Variants in DIP2A observed in about 807,000 individuals in gnomAD.
DIP2A encodes disco-interacting protein 2 homolog A.
A neutral mutation model predicts 177.4 loss-of-function variants in DIP2A; 85 were observed. The ratio of observed to expected loss-of-function variants is 0.48; its 90% CI spans 0.40 to 0.57. The LOEUF (loss-of-function observed/expected upper bound fraction) is 0.57. Among genes scored for constraint, DIP2A ranks in the 20% least tolerant of loss-of-function variants. The probability of loss-of-function intolerance (pLI) is 0.00; values close to 1 mark genes in which losing one functional copy is unlikely to be tolerated. For missense variants in DIP2A, 1,791 were observed against 2,100.2 expected (o/e 0.85, Z 2.88); for synonymous variants, 886 against 881.8 (o/e 1.00, Z -0.08).
intron 3 of DIP2A, among the ~76,000 whole-genome samples, chr21:46,492,738 G>A (rs1402231946): frequency 1.3e-5 from 2 of 152,064 alleles, no homozygotes; most frequent in African/African-American, 2.4e-5. Context: ...TGAAGCAGGC[G>A]GAGACCAGCC....
chr21:46,497,526 T>C (rs966972494), intron 4 of DIP2A, among the ~76,000 whole-genome samples: 2 of 152,216 alleles, frequency 1.3e-5, no homozygotes, highest in African/African-American at 4.8e-5. Flanking sequence ...AGTATAAGAC[T>C]ATTTGGAAAG....
intron 5 of DIP2A, among the ~76,000 whole-genome samples, chr21:46,503,649 CTTTTT>C (rs2057808281): frequency 9.9e-6 from 1 of 101,338 alleles, no homozygotes; most frequent in African/African-American, 4.0e-5. Flanking sequence ...TTCTTTCTTT[CTTTTT>C]CTTTCTTTCT....
Position 46,557,490 on chromosome 21 carries a change from G to A in DIP2A, c.3630-95G>A. On this transcript the variant is annotated intron_variant, in intron 30 of 37. Transcript: ENST00000417564. The surrounding 1 kb of genome is among the most constrained non-coding windows in gnomAD (Gnocchi z 6.0). ...TCAGAACAGAAATCATGCCCCTGTT[G>A]TGGCTGGAAAAGAAGTGTTCTTGAG... 1.4e-6 allele frequency: 2 copies of A among 1,408,246 alleles called. No individual in the cohort carries two copies. The highest frequency in any genetic ancestry group is 1.9e-6 in the Non-Finnish European group (2 of 1,048,434). The allele number at this position is 1,408,246 out of a possible 1,614,324, so 87.2% of individuals were successfully genotyped here.
At chr21:46,472,576 G>A (rs1205318580) in intron 1 of DIP2A, among the ~76,000 whole-genome samples, 1 of 152,254 alleles carries the variant, frequency 6.6e-6, no homozygotes, top group Non-Finnish European at 1.5e-5. Flanking sequence ...GAAAGCATGT[G>A]TGAAGAGGGT....
rs1458541784 is a variant in DIP2A at position 46,556,461 on chromosome 21, A to G, written c.3498+370A>G. ...CACTTCGGGAGGCCGAGGCGGGTGG[A>G]TCACAAGATCAAGAGATGGAGACCA... On this transcript the variant is annotated intron_variant, in intron 29 of 37. Coordinates refer to ENST00000417564, the MANE Select transcript of DIP2A (RefSeq NM_015151.4). The surrounding 1 kb of genome is among the most constrained non-coding windows in gnomAD (Gnocchi z 4.5). 9.2e-7 allele frequency: 1 copy of G among 1,086,096 alleles called. No individual in the cohort carries two copies. The highest frequency in any genetic ancestry group is 1.3e-5 in the South Asian group (1 of 76,002). The allele number at this position is 1,086,096 out of a possible 1,614,324, so 67.3% of individuals were successfully genotyped here.
At chr21:46,554,786 G>GGGGGGGGGGGGGGCCCCCCC in intron 27 of DIP2A, 36 bp from the exon 28 acceptor site, 6 of 1,519,014 alleles carry the variant, frequency 3.9e-6, no homozygotes, top group Non-Finnish European at 5.3e-6. Flanking sequence ...AGCTTGAGAG[G>GGGGGGGGGGGGGGCCCCCCC]CCCCGCCCAC....
chr21:46,526,878 C>T (rs1024640880), intron 8 of DIP2A, among the ~76,000 whole-genome samples: 3 of 152,194 alleles, frequency 2.0e-5, no homozygotes, highest in African/African-American at 7.2e-5. Flanking sequence ...CTAAGCCTTT[C>T]AGTAAAATGC....
At chr21:46,527,648 A>G (rs1301372837) in intron 8 of DIP2A, among the ~76,000 whole-genome samples, 2 of 150,972 alleles carry the variant, frequency 1.3e-5, no homozygotes, top group African/African-American at 4.9e-5. Context: ...TTTCTCATTC[A>G]TTTCTCAGGT....
At chr21:46,507,969 C>G (rs1248142314) in intron 6 of DIP2A, among the ~76,000 whole-genome samples, 1 of 151,838 alleles carries the variant, frequency 6.6e-6, no homozygotes, top group African/African-American at 2.4e-5. Flanking sequence ...TAGTCTAGAA[C>G]TCAAGTGATC....
intron 1 of DIP2A, among the ~76,000 whole-genome samples, chr21:46,476,650 C>CT (rs2055873001): frequency 7.0e-6 from 1 of 142,170 alleles, no homozygotes; most frequent in Admixed American, 7.8e-5. Context: ...TAGCATCACT[C>CT]TATTTTTTTT....
In DIP2A at chr21:46,497,025, A is replaced by G. The variant is rs1193054541; in HGVS notation, c.321A>G (p.Lys107=). Residue 107 remains lysine, a synonymous_variant, in exon 4 of 38, where the codon AAA becomes AAG. Transcript: ENST00000417564. ...HTEAVQAALA[K]YKERKMPMPS... is the part of the protein sequence containing the mutation. Reference sequence around the variant, plus strand: ...AAGCCGTGCAAGCAGCTTTGGCCAAATACAAAGAGAGGAAGATGCCTATGC... The same window carrying G: ...AAGCCGTGCAAGCAGCTTTGGCCAAGTACAAAGAGAGGAAGATGCCTATGC... 3.1e-6 allele frequency: 5 copies of G among 1,613,904 alleles called. No individual in the cohort carries two copies. In the Admixed American group the frequency reaches 8.3e-5, roughly 27 times the overall value.
At chr21:46,509,201 G>A in intron 6 of DIP2A, 56 bp from the exon 7 acceptor site, 8 of 1,547,442 alleles carry the variant, frequency 5.2e-6, no homozygotes, top group Non-Finnish European at 6.1e-6. Flanking sequence ...TTACACCTGT[G>A]TCCACTTCTT....
chr21:46,524,960 C>T (rs1163890751), intron 8 of DIP2A, among the ~76,000 whole-genome samples: 1 of 135,436 alleles, frequency 7.4e-6, no homozygotes, highest in East Asian at 2.4e-4. Context: ...GATCTTGGCT[C>T]ACTGCAGCCT....
intron 8 of DIP2A, among the ~76,000 whole-genome samples, chr21:46,518,042 CAG>C (rs1402882775): frequency 1.3e-5 from 2 of 152,252 alleles, no homozygotes; most frequent in Admixed American, 6.5e-5. Context: ...TACTCGGAAG[CAG>C]AGTCTTCCAC....
At chr21:46,522,933 T>C (rs560289869) in intron 8 of DIP2A, among the ~76,000 whole-genome samples, 1 of 151,010 alleles carries the variant, frequency 6.6e-6, no homozygotes, top group African/African-American at 2.4e-5. Flanking sequence ...TTTAAAAAAA[T>C]TTTTTTTTTG....
At chr21:46,545,058 A>T in intron 18 of DIP2A, 79 bp from the exon 19 acceptor site, 5 of 1,423,930 alleles carry the variant, frequency 3.5e-6, no homozygotes, top group South Asian at 1.4e-5. Flanking sequence ...ATAACCGCAC[A>T]TACAGCAGCA....
In DIP2A at chr21:46,558,683, G is replaced by A. The variant is rs143051040; in HGVS notation, c.3969+290G>A. 3.8e-3 allele frequency: 1,601 copies of A among 424,828 alleles called. 5 individuals carry two copies. Among genetic ancestry groups the A allele is most frequent in the Non-Finnish European group, 5.5e-3 (1,274 of 233,258 alleles). 26.3% of individuals were successfully genotyped at this position (424,828 alleles called of 1,614,324 possible). On this transcript the variant is annotated intron_variant, in intron 32 of 37. Transcript: ENST00000417564. ...TATAAAACACAGCTAAGTTCTTAAA[G>A]CAAGATTGAACTTACTGTTTTAAGA...
At chr21:46,501,275 G>A (rs1188163966) in intron 5 of DIP2A, among the ~76,000 whole-genome samples, 1 of 152,100 alleles carries the variant, frequency 6.6e-6, no homozygotes, top group Non-Finnish European at 1.5e-5. Flanking sequence ...TTTGGATTAA[G>A]GAAATCAAAT....
chr21:46,460,357 C>G (rs926677652), intron 1 of DIP2A, among the ~76,000 whole-genome samples: 1 of 152,160 alleles, frequency 6.6e-6, no homozygotes, highest in African/African-American at 2.4e-5. Context: ...AAGTTCTTCT[C>G]CAGTGTCAGA....
Sources: gnomAD v4.1 joint callset for allele counts (sites outside exome capture counted in the v4.1 genomes callset) on GRCh38, gnomAD v4.1.1 for gene constraint, Gnocchi (gnomAD v3.1) non-coding constraint, MANE v1.5 for transcripts, NCBI Gene and HGNC (gene_info 2026-07-23, HGNC 2026-07-21) for gene names.